Variants in HDAC9 observed in about 807,000 individuals in gnomAD.
HDAC9 encodes MEF-2 interacting transcription repressor (MITR) protein.
In HDAC9, 41 loss-of-function variants were observed where a neutral mutation model predicts 139.4. The ratio of observed to expected loss-of-function variants is 0.29; its 90% confidence interval spans 0.23 to 0.38. The LOEUF (loss-of-function observed/expected upper bound fraction) is 0.38. Among genes scored for constraint, HDAC9 ranks in the 10% least tolerant of loss-of-function variants. HDAC9 has a pLI of 1.00. For missense variants in HDAC9, 1,147 were observed against 1,297.0 expected (o/e 0.88, Z 1.78); for synonymous variants, 517 against 476.2 (o/e 1.09, Z -1.12).
intron 1 of HDAC9, among the ~76,000 whole-genome samples, chr7:18,474,602 C>T (rs971973659): frequency 6.6e-6 from 1 of 152,096 alleles, no homozygotes; most frequent in African/African-American, 2.4e-5. Flanking sequence ...GTTCTCAGAG[C>T]ATTTAAAGCA....
At chr7:18,717,647 T>C (rs764136916) in intron 12 of HDAC9, among the ~76,000 whole-genome samples, 5 of 152,004 alleles carry the variant, frequency 3.3e-5, no homozygotes, top group Non-Finnish European at 4.4e-5. Context: ...GTCAGACTGG[T>C]CTCCAACTCC....
chr7:18,580,921 T>C (rs1220542160), intron 2 of HDAC9, among the ~76,000 whole-genome samples: 1 of 152,204 alleles, frequency 6.6e-6, no homozygotes, highest in Non-Finnish European at 1.5e-5. Context: ...GGGAGGCTTA[T>C]TAGCCTGTCA....
At chr7:18,991,100 T>C (rs1183411512) in intron 25 of HDAC9, among the ~76,000 whole-genome samples, 5 of 152,232 alleles carry the variant, frequency 3.3e-5, no homozygotes, top group Non-Finnish European at 7.3e-5. Flanking sequence ...AAATTCTTAT[T>C]TTGTTCTTGA....
rs113095026 is a variant in HDAC9 at position 18,888,237 on chromosome 7, C to T, written c.2803+13641C>T. Reference sequence around the variant, plus strand: ...GAGATCGAGACCATCCTGGCTAACACGGTGAAACCCCGTCTCTACTAAAAA... The same window carrying T: ...GAGATCGAGACCATCCTGGCTAACATGGTGAAACCCCGTCTCTACTAAAAA... On this transcript the variant is annotated intron_variant, in intron 22 of 25. Transcript: ENST00000686413. 7.4e-3 allele frequency among the ~76,000 whole-genome samples: 1,128 copies of T among 152,074 alleles called. 19 individuals are homozygous for T. The highest frequency in any genetic ancestry group is 0.025 in the African/African-American group (1,053 of 41,486).
intron 1 of HDAC9, among the ~76,000 whole-genome samples, chr7:18,456,188 G>A (rs1327096540): frequency 6.6e-6 from 1 of 152,144 alleles, no homozygotes; most frequent in African/African-American, 2.4e-5. Flanking sequence ...CATAAATTAA[G>A]TCATTTGCAT....
At chr7:18,616,647 TAAAGGTTATAAAATCAAAACTTGCA>T (rs1295531325) in intron 6 of HDAC9, among the ~76,000 whole-genome samples, 1 of 152,242 alleles carries the variant, frequency 6.6e-6, no homozygotes, top group Non-Finnish European at 1.5e-5. Flanking sequence ...AAAGGTTGTC[TAAAGGTTATAAAATCAAAACTTGCA>T]AAGCAAAATA....
chr7:18,357,328 A>T (rs1043483475), intron 1 of HDAC9, among the ~76,000 whole-genome samples: 4 of 152,186 alleles, frequency 2.6e-5, no homozygotes, highest in Non-Finnish European at 4.4e-5. Context: ...ATTTAAAAAA[A>T]TCGTATTTGG....
At chr7:18,202,614 G>A (rs1171313589) in intron 2 of HDAC9, among the ~76,000 whole-genome samples, 1 of 152,208 alleles carries the variant, frequency 6.6e-6, no homozygotes, top group East Asian at 1.9e-4. Flanking sequence ...TATGTATTAT[G>A]ATTTAAGTTG....
intron 2 of HDAC9, among the ~76,000 whole-genome samples, chr7:18,525,708 A>T (rs1466319502): frequency 6.6e-6 from 1 of 152,066 alleles, no homozygotes; most frequent in East Asian, 1.9e-4. Flanking sequence ...ATGAAATGGG[A>T]CCTCTCTTTG....
rs575601296 is a variant in HDAC9 at position 18,146,727 on chromosome 7, T to A, written c.-96-15502T>A. On this transcript the variant is annotated intron_variant, in intron 1 of 12. Transcript: ENST00000417496. The stretch of plus-strand genomic sequence containing the variant: ...TCTAGCGAAAACAATTTGGTTCCAG[T>A]ATTTTAAGTTATTAATGCTTCCTAG... Among the ~76,000 whole-genome samples, 20 of 152,324 alleles carry A rather than the reference T, an allele frequency of 1.3e-4. 1 individual carries two copies. In the South Asian group the frequency reaches 4.1e-3, roughly 32 times the overall value.
At chr7:18,641,366 C>A (rs895617827) in intron 8 of HDAC9, among the ~76,000 whole-genome samples, 3 of 152,008 alleles carry the variant, frequency 2.0e-5, no homozygotes, top group African/African-American at 7.2e-5. Flanking sequence ...AATGCTCCTT[C>A]CTCTAATTAC....
At chr7:18,582,851 C>G (rs904412057) in intron 2 of HDAC9, among the ~76,000 whole-genome samples, 21 of 152,184 alleles carry the variant, frequency 1.4e-4, no homozygotes, top group African/African-American at 5.1e-4. Flanking sequence ...AAGTTTTGTA[C>G]CAATTGACAG....
chr7:18,702,261 C>G (rs906662908), intron 12 of HDAC9, among the ~76,000 whole-genome samples: 2 of 152,142 alleles, frequency 1.3e-5, no homozygotes, highest in African/African-American at 2.4e-5. Context: ...TTACTGACAA[C>G]CAAATTGTTC....
At chr7:18,383,026 T>C (rs1406551819) in intron 1 of HDAC9, among the ~76,000 whole-genome samples, 4 of 152,230 alleles carry the variant, frequency 2.6e-5, no homozygotes, top group African/African-American at 9.6e-5. Flanking sequence ...AGATGTCATG[T>C]CTTTTCATAC....
chr7:18,380,490 T>A (rs1230894437), intron 1 of HDAC9, among the ~76,000 whole-genome samples: 1 of 152,154 alleles, frequency 6.6e-6, no homozygotes. Context: ...TGCCATAAAA[T>A]TTTTCAAGGG....
At chr7:18,527,327 CTTCT>C (rs937018925) in intron 2 of HDAC9, among the ~76,000 whole-genome samples, 5 of 151,946 alleles carry the variant, frequency 3.3e-5, no homozygotes, top group Admixed American at 6.6e-5. Flanking sequence ...TCAATTTTAC[CTTCT>C]TTGTTTTTCA....
At chr7:18,703,361 GCA>G (rs1251964001) in intron 12 of HDAC9, among the ~76,000 whole-genome samples, 8 of 151,996 alleles carry the variant, frequency 5.3e-5, no homozygotes, top group Admixed American at 5.2e-4. Flanking sequence ...ATATCAAAAA[GCA>G]CAGTTTCCCC....
intron 17 of HDAC9, among the ~76,000 whole-genome samples, chr7:18,813,270 G>T (rs1794319716): frequency 6.6e-6 from 1 of 152,090 alleles, no homozygotes; most frequent in Non-Finnish European, 1.5e-5. Flanking sequence ...TTTCTTTGGA[G>T]TTTAATTCTT....
At chr7:18,979,564 A>G (rs142757463) in intron 25 of HDAC9, among the ~76,000 whole-genome samples, 4 of 152,322 alleles carry the variant, frequency 2.6e-5, no homozygotes, top group Middle Eastern at 6.8e-3. Context: ...CTGTTCTTGC[A>G]TTGCTATTAT....
Sources: gnomAD v4.1 joint callset for allele counts (sites outside exome capture counted in the v4.1 genomes callset) on GRCh38, gnomAD v4.1.1 for gene constraint, MANE v1.5 for transcripts, NCBI Gene and HGNC (gene_info 2026-07-23, HGNC 2026-07-21) for gene names.